FA2H: variants seen among roughly 807,000 people sequenced by gnomAD.
The protein encoded by FA2H is fatty acid 2-hydroxylase.
In FA2H, 22 loss-of-function variants were observed where a neutral mutation model predicts 44.9. The ratio of observed to expected loss-of-function variants is 0.49; its 90% CI spans 0.35 to 0.70. The LOEUF (loss-of-function observed/expected upper bound fraction) is 0.70, where lower values mean the gene tolerates loss of function less well. FA2H is among the 30% of genes least tolerant of loss of function. The pLI is 0.01. For missense variants in FA2H, 501 were observed against 504.9 expected (o/e 0.99, Z 0.07); for synonymous variants, 243 against 213.2 (o/e 1.14, Z -1.22).
intron 1 of FA2H, among the ~76,000 whole-genome samples, chr16:74,748,969 G>C (rs561380331): frequency 6.6e-6 from 1 of 152,184 alleles, no homozygotes; most frequent in African/African-American, 2.4e-5. Flanking sequence ...AAGGTGGGGG[G>C]TCCAGGTGTC....
chr16:74,714,311 G>T (rs1012883991), intron 6 of FA2H, 42 bp from the exon 7 acceptor site: 33 of 1,296,788 alleles, frequency 2.5e-5, no homozygotes, highest in Non-Finnish European at 3.3e-5. Context: ...GGCATTGAAG[G>T]AGCAGGCGTG....
At chr16:74,728,729 T>TCTATTG (rs2144619136) in intron 2 of FA2H, among the ~76,000 whole-genome samples, 1 of 152,148 alleles carries the variant, frequency 6.6e-6, no homozygotes, top group African/African-American at 2.4e-5. Flanking sequence ...CGACCCTATT[T>TCTATTG]CTATTGCTAT....
intron 2 of FA2H, among the ~76,000 whole-genome samples, chr16:74,735,519 G>A (rs1962163568): frequency 2.0e-5 from 3 of 152,232 alleles, no homozygotes; most frequent in Admixed American, 2.0e-4. Flanking sequence ...GACACAGGGA[G>A]AGATGAAAGA....
At chr16:74,716,041 C>T (rs1241848869) in intron 6 of FA2H, among the ~76,000 whole-genome samples, 1 of 152,200 alleles carries the variant, frequency 6.6e-6, no homozygotes, top group Non-Finnish European at 1.5e-5. Context: ...TCCCAAACTC[C>T]TGACCTCAAG....
chr16:74,741,840 GTGTGTGTATGTGTGTA>G (rs1184564520), intron 1 of FA2H, among the ~76,000 whole-genome samples: 4 of 71,188 alleles, frequency 5.6e-5, no homozygotes, highest in African/African-American at 1.8e-4. Context: ...GTGTGTGTAT[GTGTGTGTATGTGTGTA>G]TGTGTGTGTG....
chr16:74,755,920 G>A (rs924113625), intron 1 of FA2H, among the ~76,000 whole-genome samples: 5 of 152,124 alleles, frequency 3.3e-5, no homozygotes, highest in Non-Finnish European at 7.3e-5. Flanking sequence ...ACAACGATAT[G>A]CCTCCTTACA....
At chr16:74,752,007 C>T (rs1459004076) in intron 1 of FA2H, among the ~76,000 whole-genome samples, 1 of 152,202 alleles carries the variant, frequency 6.6e-6, no homozygotes. Context: ...TAAATCAAAT[C>T]GCCCAGTTGC....
intron 4 of FA2H, among the ~76,000 whole-genome samples, chr16:74,722,604 G>C (rs946886511): frequency 2.6e-5 from 4 of 151,654 alleles, no homozygotes; most frequent in African/African-American, 9.7e-5. Context: ...CCATTGGCTT[G>C]TCAAGTCCTT....
intron 1 of FA2H, among the ~76,000 whole-genome samples, chr16:74,746,385 T>C (rs1962425419): frequency 4.0e-5 from 6 of 151,506 alleles, no homozygotes; most frequent in Admixed American, 4.0e-4. Context: ...ATTATTTTTT[T>C]TTTGGTAGAA....
At chr16:74,746,413 T>G (rs1962426164) in intron 1 of FA2H, among the ~76,000 whole-genome samples, 2 of 151,602 alleles carry the variant, frequency 1.3e-5, no homozygotes, top group Admixed American at 6.6e-5. Context: ...TCTCGCTATG[T>G]GGCCCAGGTT....
At chr16:74,761,399 C>T (rs1177509103) in intron 1 of FA2H, among the ~76,000 whole-genome samples, 1 of 151,342 alleles carries the variant, frequency 6.6e-6, no homozygotes, top group African/African-American at 2.4e-5. Flanking sequence ...GTTGTAGTGA[C>T]CTGAGATCAC....
intron 1 of FA2H, among the ~76,000 whole-genome samples, chr16:74,752,464 G>A (rs939680394): frequency 3.3e-5 from 5 of 152,074 alleles, no homozygotes; most frequent in Non-Finnish European, 7.3e-5. Context: ...GTCTCCTCTC[G>A]GTCCTGTCAT....
chr16:74,757,037 G>A (rs1041869140), intron 1 of FA2H, among the ~76,000 whole-genome samples: 9 of 150,858 alleles, frequency 6.0e-5, no homozygotes, highest in South Asian at 2.1e-4. Context: ...AAGGTTTTGC[G>A]TTGAAAAAAA....
intron 1 of FA2H, among the ~76,000 whole-genome samples, chr16:74,746,115 G>T (rs1003894097): frequency 6.6e-6 from 1 of 151,808 alleles, no homozygotes; most frequent in African/African-American, 2.4e-5. Context: ...CTGCATCTTC[G>T]TATCAAGGAG....
chr16:74,763,239 A>G (rs4888284), intron 1 of FA2H, among the ~76,000 whole-genome samples: 69,415 of 152,002 alleles, frequency 0.46, 16,803 homozygotes, highest in African/African-American at 0.55. Flanking sequence ...GGGTTATTAT[A>G]AGTTATTAAC....
intron 4 of FA2H, among the ~76,000 whole-genome samples, chr16:74,721,507 T>C (rs1961839063): frequency 6.6e-6 from 1 of 152,110 alleles, no homozygotes; most frequent in African/African-American, 2.4e-5. Flanking sequence ...CTCCCTCACC[T>C]GCACCCATGA....
chr16:74,718,051 A>T (rs911312642), intron 5 of FA2H, among the ~76,000 whole-genome samples: 4 of 152,044 alleles, frequency 2.6e-5, no homozygotes, highest in African/African-American at 9.7e-5. Context: ...GCCCCTAGGA[A>T]AGCCCCCTAG....
At chr16:74,753,803 G>A (rs577734516) in intron 1 of FA2H, among the ~76,000 whole-genome samples, 16 of 152,244 alleles carry the variant, frequency 1.1e-4, no homozygotes, top group African/African-American at 3.4e-4. Flanking sequence ...ATGGTGCTCC[G>A]GAGTCACAAA....
chr16:74,740,620 A>AAAT (rs71378704), intron 1 of FA2H, among the ~76,000 whole-genome samples: 32,661 of 135,022 alleles, frequency 0.24, 3,977 homozygotes, highest in East Asian at 0.27. Context: ...CTCCATCTCA[A>AAAT]AATAATAATA....
Sources: allele counts gnomAD v4.1 joint callset (sites outside exome capture counted in the v4.1 genomes callset), GRCh38; gene constraint gnomAD v4.1.1; transcripts MANE v1.5; gene names NCBI Gene and HGNC (gene_info 2026-07-23, HGNC 2026-07-21).